IMMP2L: variants seen among roughly 807,000 people sequenced by gnomAD.
IMMP2L encodes mitochondrial inner membrane protease subunit 2.
Under a neutral mutation model 19.3 loss-of-function variants are expected in IMMP2L, and 18 were observed. The ratio of observed to expected loss-of-function variants is 0.93; its 90% CI spans 0.64 to 1.38. IMMP2L has a LOEUF of 1.38. Among genes scored for constraint, IMMP2L ranks in the 40% most tolerant of loss-of-function variants. The pLI, the probability that IMMP2L is intolerant of heterozygous loss-of-function variation, is 0.00. For missense variants in IMMP2L, 233 were observed against 218.2 expected (o/e 1.07, Z -0.43); for synonymous variants, 76 against 73.0 (o/e 1.04, Z -0.21).
chr7:111,363,775 T>G (rs1374382521), intron 3 of IMMP2L, among the ~76,000 whole-genome samples: 1 of 152,096 alleles, frequency 6.6e-6, no homozygotes, highest in Non-Finnish European at 1.5e-5. Flanking sequence ...CAAGATTACC[T>G]GATCCCTATT....
chr7:111,146,849 C>A lies in IMMP2L; in HGVS notation c.240-183284G>T, dbSNP rs1399685878. ...CCTTAACTGGGTGCCAGAGGTAACA[C>A]TGAGTTCGACAGATGCTGCTACTAC... On this transcript the variant is annotated intron_variant, in intron 3 of 5. Coordinates refer to ENST00000405709, the MANE Select transcript of IMMP2L (RefSeq NM_032549.4). Among the ~76,000 whole-genome samples, 3 of 152,114 alleles carry A rather than the reference C, an allele frequency of 2.0e-5. No individual in the cohort carries two copies. The East Asian group carries it at 5.8e-4, about 29-fold the overall frequency.
intron 3 of IMMP2L, among the ~76,000 whole-genome samples, chr7:111,151,799 C>T (rs1349596113): frequency 1.3e-5 from 2 of 151,890 alleles, no homozygotes; most frequent in Non-Finnish European, 1.5e-5. Flanking sequence ...GTTAGCTGGG[C>T]GTGGTGCATG....
chr7:111,128,729 G>A (rs1040947746), intron 3 of IMMP2L, among the ~76,000 whole-genome samples: 1 of 152,162 alleles, frequency 6.6e-6, no homozygotes, highest in Non-Finnish European at 1.5e-5. Context: ...GGGGCCTGAG[G>A]CAGGAGAATC....
chr7:111,211,044 T>C (rs752236080), intron 3 of IMMP2L, among the ~76,000 whole-genome samples: 6 of 152,146 alleles, frequency 3.9e-5, no homozygotes, highest in Non-Finnish European at 7.3e-5. Context: ...ATCTACCAAG[T>C]CATTTAATAA....
intron 3 of IMMP2L, among the ~76,000 whole-genome samples, chr7:111,072,517 A>C (rs1795040357): frequency 6.6e-6 from 1 of 151,702 alleles, no homozygotes; most frequent in Middle Eastern, 3.4e-3. Flanking sequence ...TATCAGAAAA[A>C]CCCAAAAATA....
intron 3 of IMMP2L, among the ~76,000 whole-genome samples, chr7:111,381,469 C>A (rs991114691): frequency 1.3e-5 from 2 of 151,908 alleles, no homozygotes; most frequent in Non-Finnish European, 2.9e-5. Context: ...ATCAATACCA[C>A]CTGTTTATTT....
intron 3 of IMMP2L, among the ~76,000 whole-genome samples, chr7:111,173,135 A>G (rs10268393): frequency 0.024 from 3,579 of 151,708 alleles, 134 homozygotes; most frequent in African/African-American, 0.082. Context: ...TTTCTCAAAC[A>G]TTAATATTAC....
intron 3 of IMMP2L, among the ~76,000 whole-genome samples, chr7:111,225,691 CAAA>C (rs36112021): frequency 1.9e-4 from 21 of 112,638 alleles, no homozygotes; most frequent in African/African-American, 5.2e-4. Context: ...GAGATAGAGC[CAAA>C]AAAAAAAAAA....
chr7:110,737,763 G>A lies in IMMP2L; in HGVS notation c.409-74042C>T, dbSNP rs186150868. On this transcript the variant is annotated intron_variant, in intron 5 of 5. Coordinates refer to ENST00000405709, the MANE Select transcript of IMMP2L (RefSeq NM_032549.4). ...TGAAGGCCAACCAACAAAAACCAGCGCACTAAACAAAAACACAGCCAAGGA... is the reference window on the plus strand; with the variant it reads ...TGAAGGCCAACCAACAAAAACCAGCACACTAAACAAAAACACAGCCAAGGA... 1.8e-4 allele frequency among the ~76,000 whole-genome samples: 27 copies of A among 152,262 alleles called. No homozygotes were observed. In the East Asian group the frequency reaches 3.3e-3, roughly 19 times the overall value.
At chr7:111,027,210 G>C (rs984535378) in intron 3 of IMMP2L, among the ~76,000 whole-genome samples, 2 of 152,154 alleles carry the variant, frequency 1.3e-5, no homozygotes, top group African/African-American at 4.8e-5. Context: ...CAGTATGGTA[G>C]AGAACAAACA....
chr7:110,666,997 G>A (rs1791506325), intron 5 of IMMP2L, among the ~76,000 whole-genome samples: 1 of 152,108 alleles, frequency 6.6e-6, no homozygotes, highest in South Asian at 2.1e-4. Context: ...TCAGCCTCCT[G>A]AGTAGCTGGG....
intron 5 of IMMP2L, among the ~76,000 whole-genome samples, chr7:110,788,254 G>A (rs1800222294): frequency 6.6e-6 from 1 of 151,942 alleles, no homozygotes; most frequent in Non-Finnish European, 1.5e-5. Flanking sequence ...CCCTCACTAA[G>A]CTGGGTTTGA....
chr7:110,749,664 C>T (rs1428593471), intron 5 of IMMP2L, among the ~76,000 whole-genome samples: 1 of 152,082 alleles, frequency 6.6e-6, no homozygotes, highest in Non-Finnish European at 1.5e-5. Flanking sequence ...CCCAAACTTG[C>T]ATGTTCTCAC....
intron 5 of IMMP2L, among the ~76,000 whole-genome samples, chr7:110,842,683 G>A (rs1440322790): frequency 2.0e-5 from 3 of 152,186 alleles, no homozygotes; most frequent in Non-Finnish European, 4.4e-5. Context: ...CTGCTATGCT[G>A]AGAAAGGATA....
chr7:110,963,596 G>A (rs376008473), intron 3 of IMMP2L, 31 bp from the exon 4 acceptor site: 64 of 1,331,798 alleles, frequency 4.8e-5, no homozygotes, highest in South Asian at 2.3e-4. Flanking sequence ...TATACAATCA[G>A]TTATGTCTAT....
chr7:110,686,944 T>C (rs757811012), intron 5 of IMMP2L, among the ~76,000 whole-genome samples: 1 of 152,106 alleles, frequency 6.6e-6, no homozygotes, highest in South Asian at 2.1e-4. Context: ...AAAAGACGCA[T>C]AGCCTGGCAT....
chr7:111,269,928 A>G (rs1428551406), intron 3 of IMMP2L, among the ~76,000 whole-genome samples: 1 of 151,960 alleles, frequency 6.6e-6, no homozygotes, highest in Non-Finnish European at 1.5e-5. Context: ...CTCTTTCAAT[A>G]TTGGCTAACT....
chr7:110,843,412 A>C (rs773722625), intron 5 of IMMP2L, among the ~76,000 whole-genome samples: 2 of 152,150 alleles, frequency 1.3e-5, no homozygotes, highest in Non-Finnish European at 2.9e-5. Context: ...CCAGTCAGTC[A>C]ACAAAGTAGT....
intron 5 of IMMP2L, among the ~76,000 whole-genome samples, chr7:110,796,731 C>G (rs1486572194): frequency 6.6e-6 from 1 of 152,002 alleles, no homozygotes; most frequent in Non-Finnish European, 1.5e-5. Context: ...CAACCCACAG[C>G]TCTGCTTACC....
Sources: allele counts gnomAD v4.1 joint callset (sites outside exome capture counted in the v4.1 genomes callset), GRCh38; gene constraint gnomAD v4.1.1; transcripts MANE v1.5; gene names NCBI Gene and HGNC (gene_info 2026-07-23, HGNC 2026-07-21).